Variants in TTC28 observed in about 807,000 individuals in gnomAD.
TTC28 encodes the protein tetratricopeptide repeat domain 28, also known as tetratricopeptide repeat protein 28.
TTC28 carries 61 observed loss-of-function variants against 198.0 expected under a neutral mutation model. The ratio of observed to expected loss-of-function variants is 0.31; its 90% CI spans 0.25 to 0.38. The LOEUF is 0.38. Among genes scored for constraint, TTC28 ranks in the 10% least tolerant of loss-of-function variants. TTC28 has a pLI of 1.00. For synonymous variants in TTC28, 1,171 were observed against 1,297.8 expected, an observed-to-expected ratio of 0.90 and a Z score of 2.10; for missense variants, 2,678 against 3,164.0, an observed-to-expected ratio of 0.85 and a Z score of 3.69.
At chr22:28,423,785 G>A (rs150778105) in intron 2 of TTC28, among the ~76,000 whole-genome samples, 3 of 152,316 alleles carry the variant, frequency 2.0e-5, no homozygotes, top group Non-Finnish European at 4.4e-5. Context: ...TAATCCAAAT[G>A]TGGGCATAGT....
At chr22:28,020,137 G>A (rs962448497) in intron 13 of TTC28, among the ~76,000 whole-genome samples, 1 of 152,234 alleles carries the variant, frequency 6.6e-6, no homozygotes, top group Non-Finnish European at 1.5e-5. Context: ...TAAAGGTGGT[G>A]TGATGGTGGG....
intron 2 of TTC28, among the ~76,000 whole-genome samples, chr22:28,434,772 T>C (rs1363181685): frequency 1.3e-5 from 2 of 152,326 alleles, no homozygotes; most frequent in African/African-American, 2.4e-5. Flanking sequence ...CCTATATACA[T>C]TGAGTTTTTG....
chr22:28,605,574 C>A (rs561370558), intron 2 of TTC28, among the ~76,000 whole-genome samples: 14 of 152,194 alleles, frequency 9.2e-5, no homozygotes, highest in African/African-American at 2.9e-4. Context: ...TGATTTTCCC[C>A]AACACAGAAG....
intron 2 of TTC28, among the ~76,000 whole-genome samples, chr22:28,418,671 T>C (rs2047202008): frequency 6.6e-6 from 1 of 152,200 alleles, no homozygotes; most frequent in Admixed American, 6.5e-5. Flanking sequence ...TGTAGTACTC[T>C]CCAATATAAC....
chr22:28,413,425 A>C (rs571408337), intron 2 of TTC28, among the ~76,000 whole-genome samples: 1 of 151,114 alleles, frequency 6.6e-6, no homozygotes, highest in African/African-American at 2.4e-5. Context: ...CTTAAAATTA[A>C]AAAAAAAAGT....
chr22:28,279,920 T>C (rs982450948), intron 5 of TTC28, among the ~76,000 whole-genome samples: 1 of 152,238 alleles, frequency 6.6e-6, no homozygotes, highest in Non-Finnish European at 1.5e-5. Flanking sequence ...TCACACAGTG[T>C]AATATTTTGG....
chr22:28,679,166 G>A (rs1048681700), intron 1 of TTC28, among the ~76,000 whole-genome samples: 10 of 152,128 alleles, frequency 6.6e-5, no homozygotes, highest in African/African-American at 2.4e-4. Flanking sequence ...GCTCGCCTCC[G>A]GGGACGAAGA....
chr22:28,507,543 C>T (rs1213542796), intron 2 of TTC28, among the ~76,000 whole-genome samples: 3 of 152,124 alleles, frequency 2.0e-5, no homozygotes, highest in Non-Finnish European at 2.9e-5. Flanking sequence ...CATTCAAATT[C>T]AGGAAATGCA....
At chr22:28,087,950 T>G (rs1941673286) in intron 12 of TTC28, among the ~76,000 whole-genome samples, 1 of 152,148 alleles carries the variant, frequency 6.6e-6, no homozygotes, top group Admixed American at 6.6e-5. Flanking sequence ...GAATCCAACT[T>G]ACAAGGGATG....
intron 2 of TTC28, among the ~76,000 whole-genome samples, chr22:28,536,727 C>A (rs1277524891): frequency 6.6e-6 from 1 of 152,200 alleles, no homozygotes; most frequent in African/African-American, 2.4e-5. Flanking sequence ...GGTGTCAATT[C>A]TCTGATCTAT....
chr22:28,154,356 CTT>C (rs559340098), intron 6 of TTC28, among the ~76,000 whole-genome samples: 3 of 115,530 alleles, frequency 2.6e-5, no homozygotes, highest in Admixed American at 8.7e-5. Context: ...TTTTCTTTTT[CTT>C]TTTTTTTTTT....
chr22:28,455,544 T>C (rs1315026375), intron 2 of TTC28, among the ~76,000 whole-genome samples: 1 of 151,692 alleles, frequency 6.6e-6, no homozygotes, highest in Non-Finnish European at 1.5e-5. Context: ...TGAAATTCCA[T>C]CTCCCTAAAA....
At chr22:28,678,284 G>A (rs1480893652) in intron 1 of TTC28, among the ~76,000 whole-genome samples, 2 of 152,122 alleles carry the variant, frequency 1.3e-5, no homozygotes, top group African/African-American at 4.8e-5. Context: ...GCACAACCTT[G>A]GCTCACTGCA....
At chr22:28,346,744 G>T (rs1379364159) in intron 2 of TTC28, among the ~76,000 whole-genome samples, 1 of 152,142 alleles carries the variant, frequency 6.6e-6, no homozygotes, top group Admixed American at 6.5e-5. Flanking sequence ...TTAGAGGAAG[G>T]GGAGCAAGGA....
intron 5 of TTC28, among the ~76,000 whole-genome samples, chr22:28,242,549 T>G (rs1157125255): frequency 6.6e-6 from 1 of 152,210 alleles, no homozygotes. Context: ...AAATTGTAAA[T>G]GGACGTGGTT....
chr22:27,990,367 G>A (rs1356720780), intron 20 of TTC28, among the ~76,000 whole-genome samples: 1 of 152,178 alleles, frequency 6.6e-6, no homozygotes, highest in African/African-American at 2.4e-5. Flanking sequence ...TCATCTTTAG[G>A]ACCTTGAGGT....
At position 28,290,854 on chromosome 22, in the gene TTC28, G is replaced by A. The variant is rs1002829420; in HGVS notation, c.933+5344C>T. Among the ~76,000 whole-genome samples the A allele has an allele frequency of 1.6e-4, 24 of 152,234 alleles. No homozygotes were observed. The Middle Eastern group carries it at 0.01, about 65-fold the overall frequency. On this transcript the variant is annotated intron_variant, in intron 5 of 22. Transcript: ENST00000397906. The stretch of plus-strand genomic sequence containing the variant: ...TTGAGCCCAAGAGGTCAAGGCTGCA[G>A]TGAGCCATGATTGTACCACTGCACT...
intron 2 of TTC28, among the ~76,000 whole-genome samples, chr22:28,344,347 G>A (rs1277765317): frequency 6.6e-6 from 1 of 151,762 alleles, no homozygotes; most frequent in Non-Finnish European, 1.5e-5. Context: ...TTTCTTTCCT[G>A]ATGCAAAGGA....
chr22:28,482,850 T>C (rs1179726393), intron 2 of TTC28, among the ~76,000 whole-genome samples: 1 of 152,232 alleles, frequency 6.6e-6, no homozygotes, highest in Non-Finnish European at 1.5e-5. Context: ...GTCTGGCTTC[T>C]TTCACTTAGC....
Sources: gnomAD v4.1 joint callset for allele counts (sites outside exome capture counted in the v4.1 genomes callset) on GRCh38, gnomAD v4.1.1 for gene constraint, MANE v1.5 for transcripts, NCBI Gene and HGNC (gene_info 2026-07-23, HGNC 2026-07-21) for gene names.